The following HPSE2 variants were observed in gnomAD, a reference collection of about 807,000 sequenced individuals.
HPSE2 encodes inactive heparanase-2.
Under a neutral mutation model 60.5 loss-of-function variants are expected in HPSE2, and 38 were observed. That is an observed-to-expected ratio of 0.63 (90% CI 0.48 to 0.82). The LOEUF is 0.82. HPSE2 is among the 40% of genes least tolerant of loss of function. The probability of loss-of-function intolerance (pLI) is 0.00; values close to 1 mark genes in which losing one functional copy is unlikely to be tolerated. For synonymous variants in HPSE2, 295 were observed against 293.2 expected, an observed-to-expected ratio of 1.01 and a Z score of -0.06; for missense variants, 713 against 740.4, an observed-to-expected ratio of 0.96 and a Z score of 0.43.
intron 3 of HPSE2, among the ~76,000 whole-genome samples, chr10:98,771,920 T>C (rs1192286576): frequency 1.3e-5 from 2 of 152,146 alleles, no homozygotes; most frequent in Non-Finnish European, 2.9e-5. Flanking sequence ...GATATATTAA[T>C]AAGGACAGAA....
At chr10:98,655,363 A>G (rs958897731) in intron 6 of HPSE2, among the ~76,000 whole-genome samples, 1 of 152,108 alleles carries the variant, frequency 6.6e-6, no homozygotes, top group Admixed American at 6.5e-5. Context: ...CCAGGTTTTT[A>G]AGCTCAAATT....
chr10:98,645,839 G>T (rs549664309), intron 6 of HPSE2, among the ~76,000 whole-genome samples: 1 of 152,228 alleles, frequency 6.6e-6, no homozygotes, highest in African/African-American at 2.4e-5. Flanking sequence ...CCGGGGCGTG[G>T]TGGGGGGCGC....
chr10:99,301,393 T>TC, the HPSE2 span, among the ~76,000 whole-genome samples: 1 of 152,088 alleles, frequency 6.6e-6, no homozygotes, highest in Non-Finnish European at 1.5e-5. Context: ...GTATCAGGTA[T>TC]CCCCCCATAT....
chr10:99,199,937 T>G (rs1447521710), intron 2 of HPSE2, among the ~76,000 whole-genome samples: 1 of 152,188 alleles, frequency 6.6e-6, no homozygotes, highest in Non-Finnish European at 1.5e-5. Context: ...TTTCCATTTA[T>G]GTGTGTCTTC....
At chr10:99,184,786 T>TTTTATA (rs1431394305) in intron 2 of HPSE2, among the ~76,000 whole-genome samples, 8 of 25,284 alleles carry the variant, frequency 3.2e-4, no homozygotes, top group African/African-American at 9.9e-4. Flanking sequence ...CTATCCAAAA[T>TTTTATA]TATATATATA....
At chr10:98,775,976 G>A (rs1950331250) in intron 3 of HPSE2, among the ~76,000 whole-genome samples, 1 of 152,072 alleles carries the variant, frequency 6.6e-6, no homozygotes, top group Non-Finnish European at 1.5e-5. Context: ...AGGTCATCAA[G>A]TTCATCTTTT....
chr10:99,072,254 C>G (rs576878388), intron 3 of HPSE2, among the ~76,000 whole-genome samples: 1 of 152,016 alleles, frequency 6.6e-6, no homozygotes, highest in Non-Finnish European at 1.5e-5. Context: ...GATTTCATGA[C>G]AAAATCACCA....
upstream of HPSE2, among the ~76,000 whole-genome samples, chr10:99,237,072 G>A (rs1045050193): frequency 6.6e-6 from 1 of 152,148 alleles, no homozygotes; most frequent in Non-Finnish European, 1.5e-5. Flanking sequence ...ACCCGCCGCT[G>A]CTCATTGAGC....
At chr10:99,034,866 A>C (rs1036231575) in intron 3 of HPSE2, among the ~76,000 whole-genome samples, 1 of 152,224 alleles carries the variant, frequency 6.6e-6, no homozygotes, top group African/African-American at 2.4e-5. Context: ...ATATATAAGC[A>C]TATCTAAACA....
chr10:99,132,239 G>GAA (rs60464523), intron 3 of HPSE2, among the ~76,000 whole-genome samples: 15 of 54,294 alleles, frequency 2.8e-4, no homozygotes, highest in Admixed American at 8.2e-4. Context: ...GAGAGAGAGA[G>GAA]AGAGAAAGAA....
intron 3 of HPSE2, among the ~76,000 whole-genome samples, chr10:98,871,800 C>A (rs1486092113): frequency 6.6e-6 from 1 of 152,028 alleles, no homozygotes; most frequent in African/African-American, 2.4e-5. Flanking sequence ...GTAGAGCTGA[C>A]AACTCCATGA....
intron 6 of HPSE2, among the ~76,000 whole-genome samples, chr10:98,659,064 C>T (rs1243478342): frequency 6.6e-6 from 1 of 152,050 alleles, no homozygotes; most frequent in Non-Finnish European, 1.5e-5. Context: ...AAAAGGAAAT[C>T]CTATATCCAT....
intron 3 of HPSE2, among the ~76,000 whole-genome samples, chr10:99,117,698 G>A (rs1844766594): frequency 6.6e-6 from 1 of 151,978 alleles, no homozygotes; most frequent in Admixed American, 6.6e-5. Flanking sequence ...GACCAATAAT[G>A]AGCTCTGAAA....
intron 9 of HPSE2, among the ~76,000 whole-genome samples, chr10:98,561,156 TTTTTTTTTGTTC>T (rs1448096016): frequency 0.012 from 620 of 49,822 alleles, 8 homozygotes; most frequent in East Asian, 0.012. Flanking sequence ...GATACTGGTT[TTTTTTTTTGTTC>T]TTTTTTTTGT....
intron 3 of HPSE2, among the ~76,000 whole-genome samples, chr10:99,038,880 C>T (rs1011523964): frequency 1.1e-4 from 16 of 152,082 alleles, no homozygotes; most frequent in African/African-American, 3.9e-4. Flanking sequence ...CTCATTCAAT[C>T]GCTTTTCTGT....
intron 3 of HPSE2, among the ~76,000 whole-genome samples, chr10:99,023,793 T>A (rs1957317973): frequency 6.6e-6 from 1 of 152,176 alleles, no homozygotes. Flanking sequence ...GGGTTTGGGG[T>A]GCCCCCAAAA....
chr10:99,258,478 C>T, the HPSE2 span, among the ~76,000 whole-genome samples: 1 of 151,888 alleles, frequency 6.6e-6, no homozygotes, highest in African/African-American at 2.4e-5. Flanking sequence ...TCTGTAGATT[C>T]AACACAATCT....
chr10:98,588,103 C>T (rs1944986236), intron 9 of HPSE2, among the ~76,000 whole-genome samples: 1 of 152,174 alleles, frequency 6.6e-6, no homozygotes, highest in South Asian at 2.1e-4. Flanking sequence ...AGCCTAAAAA[C>T]ATTTATTCAG....
At chr10:99,006,896 T>C (rs1956907236) in intron 3 of HPSE2, among the ~76,000 whole-genome samples, 1 of 151,438 alleles carries the variant, frequency 6.6e-6, no homozygotes. Flanking sequence ...CAGGGTGGGC[T>C]TGGAAGCTCA....
Sources: allele counts gnomAD v4.1 joint callset (sites outside exome capture counted in the v4.1 genomes callset), GRCh38; gene constraint gnomAD v4.1.1; transcripts MANE v1.5; gene names NCBI Gene and HGNC (gene_info 2026-07-23, HGNC 2026-07-21).